EVI5: variants seen among roughly 807,000 people sequenced by gnomAD.
The protein encoded by EVI5 is ecotropic viral integration site 5.
Under a neutral mutation model 112.0 loss-of-function variants are expected in EVI5, and 73 were observed. The observed-to-expected ratio is 0.65, with a 90% CI of 0.54 to 0.79. The LOEUF (loss-of-function observed/expected upper bound fraction) is 0.79, where lower values mean the gene tolerates loss of function less well. EVI5 is among the 30% of genes least tolerant of loss of function. The pLI is 0.00. For missense variants in EVI5, 900 were observed against 968.8 expected (o/e 0.93, Z 0.94); for synonymous variants, 305 against 319.9 (o/e 0.95, Z 0.50).
intron 2 of EVI5, among the ~76,000 whole-genome samples, chr1:92,733,887 T>G (rs553121424): frequency 6.6e-6 from 1 of 152,312 alleles, no homozygotes; most frequent in East Asian, 1.9e-4. Context: ...GTAGCACTGC[T>G]CCAAGTCATC....
At chr1:92,607,802 T>C in intron 16 of EVI5, 75 bp from the exon 17 acceptor site, 1 of 914,900 alleles carries the variant, frequency 1.1e-6, no homozygotes, top group East Asian at 2.9e-5. Context: ...CTATCCATTT[T>C]ATACCATAAC....
intron 18 of EVI5, among the ~76,000 whole-genome samples, chr1:92,575,872 T>C (rs1671004229): frequency 6.6e-6 from 1 of 152,102 alleles, no homozygotes; most frequent in African/African-American, 2.4e-5. Flanking sequence ...CCTGACCTTA[T>C]GCATTTTAGA....
At chr1:92,701,578 C>T (rs1338935880) in intron 5 of EVI5, among the ~76,000 whole-genome samples, 1 of 152,034 alleles carries the variant, frequency 6.6e-6, no homozygotes, top group Non-Finnish European at 1.5e-5. Context: ...TATGCCATTT[C>T]CCTTCAAAGC....
At chr1:92,759,179 T>C (rs1323660542) in intron 1 of EVI5, among the ~76,000 whole-genome samples, 1 of 152,090 alleles carries the variant, frequency 6.6e-6, no homozygotes, top group Non-Finnish European at 1.5e-5. Context: ...GCCGAGATCA[T>C]GCCGCTGTAC....
At chr1:92,693,072 C>G (rs1289725407) in intron 9 of EVI5, among the ~76,000 whole-genome samples, 1 of 152,124 alleles carries the variant, frequency 6.6e-6, no homozygotes, top group Non-Finnish European at 1.5e-5. Flanking sequence ...TAAGATTTGA[C>G]CAGGTGCAGC....
intron 19 of EVI5, among the ~76,000 whole-genome samples, chr1:92,547,098 C>G (rs376456340): frequency 2.6e-5 from 4 of 152,140 alleles, no homozygotes; most frequent in East Asian, 3.8e-4. Flanking sequence ...ATAGTTGGAA[C>G]TAAAGCACTC....
chr1:92,780,475 G>C (rs915153869), intron 1 of EVI5, among the ~76,000 whole-genome samples: 2 of 152,190 alleles, frequency 1.3e-5, no homozygotes, highest in African/African-American at 4.8e-5. Flanking sequence ...CAAAGTTGGA[G>C]AGCTTATATT....
At chr1:92,783,756 G>C (rs973700761) in intron 1 of EVI5, among the ~76,000 whole-genome samples, 1 of 139,634 alleles carries the variant, frequency 7.2e-6, no homozygotes, top group African/African-American at 2.7e-5. Flanking sequence ...AGGTTGCAGT[G>C]AACCAACGTC....
chr1:92,575,308 G>A (rs1670889427), intron 18 of EVI5, among the ~76,000 whole-genome samples: 1 of 152,106 alleles, frequency 6.6e-6, no homozygotes, highest in African/African-American at 2.4e-5. Flanking sequence ...AATTGCAGGT[G>A]TCATGACATT....
intron 18 of EVI5, among the ~76,000 whole-genome samples, chr1:92,566,239 A>T (rs907746848): frequency 7.2e-5 from 11 of 152,200 alleles, no homozygotes; most frequent in African/African-American, 2.7e-4. Flanking sequence ...ATATTTGCAT[A>T]GATATAAAAG....
At chr1:92,756,955 G>GT (rs1681053869) in intron 1 of EVI5, 2 of 306,244 alleles carry the variant, frequency 6.5e-6, no homozygotes, top group South Asian at 6.2e-5. Flanking sequence ...GCTTTGAAAG[G>GT]TGATTATGTG....
chr1:92,570,881 A>T (rs1476166625), intron 18 of EVI5, among the ~76,000 whole-genome samples: 1 of 152,154 alleles, frequency 6.6e-6, no homozygotes, highest in Non-Finnish European at 1.5e-5. Context: ...AAAACAGTGA[A>T]GCTAAGAAAT....
At chr1:92,633,725 C>A (rs575215773) in intron 14 of EVI5, among the ~76,000 whole-genome samples, 1,929 of 152,240 alleles carry the variant, frequency 0.013, 38 homozygotes, top group African/African-American at 0.043. Context: ...ATGATGTTAG[C>A]TGATAACGAG....
intron 18 of EVI5, among the ~76,000 whole-genome samples, chr1:92,582,158 G>C (rs1672044482): frequency 6.6e-6 from 1 of 152,142 alleles, no homozygotes; most frequent in Non-Finnish European, 1.5e-5. Context: ...TTACCGTATG[G>C]AATACTGTAG....
intron 11 of EVI5, 82 bp downstream of exon 11, chr1:92,665,857 G>A (rs1030325137): frequency 9.0e-6 from 9 of 996,366 alleles, no homozygotes; most frequent in Admixed American, 4.6e-5. Flanking sequence ...ACATGTGCCA[G>A]AATTTTTGAG....
chr1:92,542,149 C>T (rs1170238987), intron 19 of EVI5, among the ~76,000 whole-genome samples: 3 of 152,340 alleles, frequency 2.0e-5, no homozygotes, highest in African/African-American at 7.2e-5. Flanking sequence ...GGAGTAAATG[C>T]TCTCAAACCC....
At chr1:92,594,744 C>A (rs7366210) in intron 18 of EVI5, among the ~76,000 whole-genome samples, 84,134 of 139,088 alleles carry the variant, frequency 0.6, 25,026 homozygotes, top group East Asian at 0.88. Context: ...ACCCCATCAA[C>A]AAGTGGGCGA....
chr1:92,722,397 G>A (rs1335542378), intron 2 of EVI5, among the ~76,000 whole-genome samples: 2 of 151,760 alleles, frequency 1.3e-5, no homozygotes, highest in Admixed American at 6.6e-5. Flanking sequence ...CATGAGCCAT[G>A]TTGGTGTGCT....
intron 9 of EVI5, among the ~76,000 whole-genome samples, chr1:92,680,022 C>T (rs987487770): frequency 1.3e-5 from 2 of 152,122 alleles, no homozygotes; most frequent in South Asian, 2.1e-4. Flanking sequence ...TTTTTAGACC[C>T]GCATTATGAT....
Sources: allele counts gnomAD v4.1 joint callset (sites outside exome capture counted in the v4.1 genomes callset), GRCh38; gene constraint gnomAD v4.1.1; transcripts MANE v1.5; gene names NCBI Gene and HGNC (gene_info 2026-07-23, HGNC 2026-07-21).